PIBF1: variants seen among roughly 807,000 people sequenced by gnomAD.
PIBF1 encodes the protein progesterone-induced-blocking factor 1.
PIBF1 carries 90 observed loss-of-function variants against 112.5 expected under a neutral mutation model. The ratio of observed to expected loss-of-function variants is 0.80; its 90% CI spans 0.67 to 0.95. The LOEUF is 0.95. Ranked by LOEUF, PIBF1 falls within the 40% of genes least tolerant of loss-of-function variation. The pLI, the probability that PIBF1 is intolerant of heterozygous loss-of-function variation, is 0.00. For synonymous variants in PIBF1, 301 were observed against 288.6 expected (o/e 1.04, Z -0.44); for missense variants, 915 against 852.3 (o/e 1.07, Z -0.92).
Position 72,827,132 on chromosome 13 carries a change from TAG to T in PIBF1, c.915+17_915+18del, listed in dbSNP as rs1329769514. ...TTATCAAAAGAGGTAAGCTTATAATTAGAGTCACTTATATTATATAGCATAGT... is the reference window on the plus strand; with the variant it reads ...TTATCAAAAGAGGTAAGCTTATAATTAGTCACTTATATTATATAGCATAGT... On this transcript the variant is annotated intron_variant, in intron 7 of 17. Transcript: ENST00000326291. 7.5e-7 allele frequency: 1 copy of T among 1,336,944 alleles called. No individual in the cohort carries two copies. The highest frequency in any genetic ancestry group is 2.4e-5 in the East Asian group (1 of 41,854). 82.8% of individuals were successfully genotyped at this position (1,336,944 alleles called of 1,614,324 possible).
chr13:73,004,757 G>A (rs1304050526), intron 17 of PIBF1, among the ~76,000 whole-genome samples: 1 of 152,206 alleles, frequency 6.6e-6, no homozygotes, highest in Non-Finnish European at 1.5e-5. Context: ...GTTGTCAGGG[G>A]CTAGGGGGTA....
At chr13:72,834,736 A>G (rs1197408889) in intron 8 of PIBF1, among the ~76,000 whole-genome samples, 1 of 152,216 alleles carries the variant, frequency 6.6e-6, no homozygotes, top group Non-Finnish European at 1.5e-5. Context: ...AGCCTGTAGT[A>G]GTTTTTCATA....
intron 10 of PIBF1, among the ~76,000 whole-genome samples, chr13:72,876,943 A>G (rs2039434265): frequency 6.6e-6 from 1 of 152,132 alleles, no homozygotes; most frequent in Non-Finnish European, 1.5e-5. Context: ...TCAACTTCGA[A>G]TATGATGTTG....
At chr13:72,829,999 C>T (rs1046509994) in intron 8 of PIBF1, among the ~76,000 whole-genome samples, 1 of 152,142 alleles carries the variant, frequency 6.6e-6, no homozygotes, top group African/African-American at 2.4e-5. Flanking sequence ...CTTCACATCC[C>T]TTGTAAGTTA....
intron 14 of PIBF1, among the ~76,000 whole-genome samples, chr13:72,953,311 T>C (rs2042352772): frequency 6.6e-6 from 1 of 152,186 alleles, no homozygotes; most frequent in Non-Finnish European, 1.5e-5. Context: ...GTTCAGGGAC[T>C]CAAGGCCTGC....
Position 72,783,476 on chromosome 13 carries a change from C to A in PIBF1, c.7C>A (p.Arg3=). 2 of 1,587,714 alleles carry A rather than the reference C, an allele frequency of 1.3e-6. No homozygotes were observed. Among genetic ancestry groups the A allele is most frequent in the Non-Finnish European group, 1.7e-6 (2 of 1,162,928 alleles). ...CTGATCCATAATAATAAAAATGTCT[C>A]GAAAAATTTCAAAGGAGTCAAAAAA... MS[R]KISKESKKVN... The change falls in exon 2 of 18, where the codon CGA becomes AGA. Residue 3 remains arginine, a synonymous_variant. Transcript: ENST00000326291.
At chr13:72,953,103 A>G (rs1243692382) in intron 14 of PIBF1, among the ~76,000 whole-genome samples, 2 of 152,070 alleles carry the variant, frequency 1.3e-5, no homozygotes, top group African/African-American at 4.8e-5. Context: ...GGAGGGAGCC[A>G]CCACAGCTCT....
At chr13:72,977,372 A>AT (rs1488344795) in intron 16 of PIBF1, among the ~76,000 whole-genome samples, 8 of 151,700 alleles carry the variant, frequency 5.3e-5, no homozygotes, top group Non-Finnish European at 1.2e-4. Context: ...CACCTGGCTA[A>AT]TTTTTTTGTA....
At chr13:72,872,099 T>G (rs2039191438) in intron 10 of PIBF1, among the ~76,000 whole-genome samples, 1 of 152,210 alleles carries the variant, frequency 6.6e-6, no homozygotes, top group African/African-American at 2.4e-5. Flanking sequence ...TTACTTAACC[T>G]CTATGTCTCA....
chr13:72,827,001 T>C lies in PIBF1; in HGVS notation c.807-9T>C, dbSNP rs1251506849. The C allele has an allele frequency of 3.9e-6, 6 of 1,543,464 alleles. No individual in the cohort carries two copies. In the East Asian group the frequency reaches 1.1e-4, roughly 29 times the overall value. On this transcript the variant is annotated splice_polypyrimidine_tract_variant and intron_variant, in intron 6 of 17. Transcript: ENST00000326291. ...AATTTACATGTCTCTTTGAATTTTA[T>C]TTTAACAGTGAACGTGATGCACTTG... is the stretch of plus-strand genomic sequence containing the variant.
At position 72,889,863 on chromosome 13, in the gene PIBF1, C is replaced by G. The variant is rs181570623; in HGVS notation, c.1323-3921C>G. 1.2e-3 allele frequency among the ~76,000 whole-genome samples: 176 copies of G among 152,152 alleles called. 1 individual carries two copies. The highest frequency in any genetic ancestry group is 0.011 in the Admixed American group (167 of 15,264). ...ATTCTGCCTTAGAAAACCTGTTTAC[C>G]GAATGAGATTTGATAACTGGGTTCA... On this transcript the variant is annotated intron_variant, in intron 10 of 17. Coordinates refer to ENST00000326291, the MANE Select transcript of PIBF1 (RefSeq NM_006346.4).
chr13:72,878,586 G>A (rs767165334), intron 10 of PIBF1, among the ~76,000 whole-genome samples: 1 of 152,126 alleles, frequency 6.6e-6, no homozygotes, highest in Non-Finnish European at 1.5e-5. Context: ...TGTATTTCGT[G>A]TGAGCTTTAA....
At chr13:72,991,586 T>G (rs1325659263) in intron 16 of PIBF1, among the ~76,000 whole-genome samples, 5 of 152,084 alleles carry the variant, frequency 3.3e-5, no homozygotes, top group Admixed American at 1.3e-4. Flanking sequence ...CGTTATAGAA[T>G]AGTATTGAAA....
intron 5 of PIBF1, among the ~76,000 whole-genome samples, chr13:72,809,505 C>T (rs2035899428): frequency 6.6e-6 from 1 of 151,248 alleles, no homozygotes; most frequent in African/African-American, 2.4e-5. Context: ...ATTAAAGCCA[C>T]ACAATTACAC....
Position 72,783,511 on chromosome 13 carries a change from C to A in PIBF1, c.42C>A (p.Ile14=). Reference sequence around the variant, plus strand: ...CAAAGGAGTCAAAAAAAGTGAACATCTCTAGTTCTCTGGAATCTGAAGATA... The same window carrying A: ...CAAAGGAGTCAAAAAAAGTGAACATATCTAGTTCTCTGGAATCTGAAGATA... The part of the protein sequence containing the change: ...KISKESKKVN[I]SSSLESEDIS... Residue 14 remains isoleucine (I), a synonymous_variant, in exon 2 of 18, where the codon ATC becomes ATA. Transcript: ENST00000326291. 2 of 1,611,776 alleles carry A rather than the reference C, an allele frequency of 1.2e-6. No individual in the cohort carries two copies. The highest frequency in any genetic ancestry group is 1.7e-6 in the Non-Finnish European group (2 of 1,177,988).
intron 14 of PIBF1, among the ~76,000 whole-genome samples, chr13:72,934,906 C>T (rs578194055): frequency 5.3e-5 from 8 of 152,270 alleles, no homozygotes; most frequent in Admixed American, 2.0e-4. Flanking sequence ...CCTTCCCCAT[C>T]TCAGTCCCTA....
chr13:72,791,987 T>C (rs372977642), intron 2 of PIBF1, among the ~76,000 whole-genome samples: 5 of 151,596 alleles, frequency 3.3e-5, no homozygotes, highest in Non-Finnish European at 1.5e-5. Context: ...AATATAAATT[T>C]GGAGGTTGGC....
intron 14 of PIBF1, among the ~76,000 whole-genome samples, chr13:72,933,357 T>C (rs1033711874): frequency 2.0e-5 from 3 of 152,092 alleles, no homozygotes; most frequent in African/African-American, 7.2e-5. Flanking sequence ...CAAAGCAAGA[T>C]CCACCATCTC....
intron 17 of PIBF1, among the ~76,000 whole-genome samples, chr13:73,013,322 A>AAAAG (rs2044273669): frequency 1.3e-5 from 2 of 148,208 alleles, no homozygotes; most frequent in Admixed American, 6.7e-5. Flanking sequence ...AAAAAAAAAA[A>AAAAG]AAAAGAAAAT....
Sources: gnomAD v4.1 joint callset for allele counts (sites outside exome capture counted in the v4.1 genomes callset) on GRCh38, gnomAD v4.1.1 for gene constraint, MANE v1.5 for transcripts, NCBI Gene and HGNC (gene_info 2026-07-23, HGNC 2026-07-21) for gene names.